ARHGAP6: variants seen among roughly 807,000 people sequenced by gnomAD.
The protein encoded by ARHGAP6 is Rho GTPase activating protein 6, also known as rho GTPase-activating protein 6.
A neutral mutation model predicts 55.7 loss-of-function variants in ARHGAP6; 16 were observed. The ratio of observed to expected loss-of-function variants is 0.29; its 90% CI spans 0.19 to 0.44. The LOEUF (loss-of-function observed/expected upper bound fraction) is 0.44. Ranked by LOEUF, ARHGAP6 falls within the 20% of genes least tolerant of loss-of-function variation. The probability of loss-of-function intolerance (pLI) is 1.00; values close to 1 mark genes in which losing one functional copy is unlikely to be tolerated. For synonymous variants in ARHGAP6, 382 were observed against 360.9 expected (o/e 1.06, Z -0.66); for missense variants, 698 against 808.9 (o/e 0.86, Z 1.66).
At chrX:11,203,584 T>C (rs10521616) in intron 2 of ARHGAP6, among the ~76,000 whole-genome samples, 9,202 of 111,727 alleles carry the variant, frequency 0.082, 371 homozygotes, top group Middle Eastern at 0.17. Flanking sequence ...GCCTGTTAAA[T>C]TTTATGCTTA....
intron 1 of ARHGAP6, among the ~76,000 whole-genome samples, chrX:11,419,339 G>A (rs1341445914): frequency 8.9e-6 from 1 of 111,955 alleles, no homozygotes; most frequent in Non-Finnish European, 1.9e-5. Context: ...GATCCTGATC[G>A]ACACAAAGCC....
chrX:11,585,664 T>C (rs1463404439), intron 1 of ARHGAP6, among the ~76,000 whole-genome samples: 1 of 112,596 alleles, frequency 8.9e-6, no homozygotes, highest in Admixed American at 9.4e-5. Context: ...TTATAGATGT[T>C]GGATATTAGA....
chrX:11,450,536 C>A (rs1056829771), intron 1 of ARHGAP6, among the ~76,000 whole-genome samples: 1 of 111,557 alleles, frequency 9.0e-6, no homozygotes, highest in Non-Finnish European at 1.9e-5. Context: ...GTGAGCCTGC[C>A]CTTTGTAATG....
At chrX:11,545,460 C>T (rs975389879) in intron 1 of ARHGAP6, among the ~76,000 whole-genome samples, 1 of 111,733 alleles carries the variant, frequency 8.9e-6, no homozygotes, top group African/African-American at 3.2e-5. Flanking sequence ...TCAGATAAAG[C>T]TATCAGGCTT....
At chrX:11,295,261 A>G (rs1740412348) in intron 1 of ARHGAP6, among the ~76,000 whole-genome samples, 1 of 110,838 alleles carries the variant, frequency 9.0e-6, no homozygotes, top group African/African-American at 3.3e-5. Context: ...AAGATTCCAA[A>G]TCTCTTCCTG....
intron 1 of ARHGAP6, among the ~76,000 whole-genome samples, chrX:11,502,977 C>A (rs907967937): frequency 6.3e-5 from 7 of 110,623 alleles, no homozygotes; most frequent in African/African-American, 2.3e-4. Flanking sequence ...CTCACTGCAA[C>A]CTTCACCTCC....
intron 2 of ARHGAP6, chrX:11,223,107 A>G: frequency 6.1e-6 from 1 of 163,104 alleles, no homozygotes; most frequent in South Asian, 1.0e-4. Flanking sequence ...ATCTGCAAAT[A>G]AACTACTTTT....
At chrX:11,252,289 A>G (rs1283947848) in intron 2 of ARHGAP6, among the ~76,000 whole-genome samples, 1 of 112,909 alleles carries the variant, frequency 8.9e-6, no homozygotes, top group East Asian at 2.8e-4. Context: ...TTTCAAAGTC[A>G]TCATTCTCTT....
intron 1 of ARHGAP6, among the ~76,000 whole-genome samples, chrX:11,507,903 T>C (rs1457093375): frequency 8.9e-6 from 1 of 111,843 alleles, no homozygotes; most frequent in Non-Finnish European, 1.9e-5. Context: ...GCTAATAAAG[T>C]AGTATGCACT....
intron 1 of ARHGAP6, among the ~76,000 whole-genome samples, chrX:11,387,859 C>T (rs1054928378): frequency 3.6e-5 from 4 of 111,549 alleles, no homozygotes; most frequent in Non-Finnish European, 7.5e-5. Context: ...CAGCTTCATC[C>T]ATGTCCCTAC....
chrX:11,341,657 C>A (rs1351188052), intron 1 of ARHGAP6, among the ~76,000 whole-genome samples: 1 of 111,971 alleles, frequency 8.9e-6, no homozygotes, highest in Non-Finnish European at 1.9e-5. Flanking sequence ...ACAAAATCTA[C>A]TCCTTCCCTG....
intron 9 of ARHGAP6, among the ~76,000 whole-genome samples, chrX:11,164,681 C>T (rs903379834): frequency 1.5e-4 from 17 of 112,032 alleles, no homozygotes; most frequent in African/African-American, 5.5e-4. Flanking sequence ...GGTGGGAACA[C>T]ACTGGCTTTC....
chrX:11,471,811 C>T (rs2050349642), intron 1 of ARHGAP6, among the ~76,000 whole-genome samples: 1 of 111,612 alleles, frequency 9.0e-6, no homozygotes, highest in Non-Finnish European at 1.9e-5. Context: ...CAGGGCCTAC[C>T]TCAAACTGAG....
At chrX:11,398,262 TAAAA>T (rs60548732) in intron 1 of ARHGAP6, among the ~76,000 whole-genome samples, 2 of 58,832 alleles carry the variant, frequency 3.4e-5, no homozygotes, top group African/African-American at 1.1e-4. Context: ...GTAAGTGCTA[TAAAA>T]AAAAAAAAAA....
intron 1 of ARHGAP6, among the ~76,000 whole-genome samples, chrX:11,522,265 T>G (rs1183323931): frequency 9.0e-6 from 1 of 110,952 alleles, no homozygotes; most frequent in Admixed American, 9.6e-5. Flanking sequence ...TAGCACTAAA[T>G]GCCCACAAGA....
chrX:11,536,878 A>G (rs975562449), intron 1 of ARHGAP6, among the ~76,000 whole-genome samples: 5 of 112,348 alleles, frequency 4.5e-5, no homozygotes, highest in Admixed American at 3.8e-4. Flanking sequence ...GAAATTACCA[A>G]TTAGAACTTT....
chrX:11,489,499 A>T (rs1319338520), intron 1 of ARHGAP6, among the ~76,000 whole-genome samples: 2 of 112,865 alleles, frequency 1.8e-5, no homozygotes, highest in Non-Finnish European at 3.7e-5. Flanking sequence ...CTGTAGCAAC[A>T]ACTCAACTCT....
At chrX:11,300,762 T>C (rs2048163963) in intron 1 of ARHGAP6, 1 of 544,002 alleles carries the variant, frequency 1.8e-6, no homozygotes, top group South Asian at 3.3e-5. Flanking sequence ...TTAAAAATCA[T>C]TCATGTCTTT....
intron 1 of ARHGAP6, chrX:11,300,788 T>C: frequency 2.2e-6 from 1 of 460,356 alleles, no homozygotes; most frequent in South Asian, 4.3e-5. Context: ...GAATGAAACT[T>C]AAATTTTCCT....
Sources: allele counts gnomAD v4.1 joint callset (sites outside exome capture counted in the v4.1 genomes callset), GRCh38; gene constraint gnomAD v4.1.1; transcripts MANE v1.5; gene names NCBI Gene and HGNC (gene_info 2026-07-23, HGNC 2026-07-21).